DPYSL2: variants seen among roughly 807,000 people sequenced by gnomAD.
The protein encoded by DPYSL2 is dihydropyrimidinase-related protein 2.
Under a neutral mutation model 69.9 loss-of-function variants are expected in DPYSL2, and 13 were observed. That is an observed-to-expected ratio of 0.19 (90% CI 0.12 to 0.30). DPYSL2 has a LOEUF of 0.30. Ranked by LOEUF, DPYSL2 falls within the 10% of genes least tolerant of loss-of-function variation. DPYSL2 has a pLI of 1.00. For synonymous variants in DPYSL2, 326 were observed against 359.1 expected, an observed-to-expected ratio of 0.91 and a Z score of 1.04; for missense variants, 587 against 918.9, an observed-to-expected ratio of 0.64 and a Z score of 4.67.
At chr8:26,584,509 C>T (rs1585525032) in intron 3 of DPYSL2, among the ~76,000 whole-genome samples, 1 of 152,052 alleles carries the variant, frequency 6.6e-6, no homozygotes, top group East Asian at 1.9e-4. Flanking sequence ...AGGAATTGGG[C>T]AGCCCTGTCT....
At chr8:26,623,946 T>C in intron 3 of DPYSL2, 197 bp from the exon 4 acceptor site, 1 of 595,660 alleles carries the variant, frequency 1.7e-6, no homozygotes, top group Non-Finnish European at 2.9e-6. Context: ...CATCATCCAA[T>C]GCCAAGTTTC....
At chr8:26,638,639 A>T (rs752735511) in intron 8 of DPYSL2, among the ~76,000 whole-genome samples, 10 of 152,134 alleles carry the variant, frequency 6.6e-5, no homozygotes, top group Admixed American at 2.0e-4. Flanking sequence ...TCATCAACCC[A>T]ATTTGGCAGC....
chr8:26,555,093 G>A (rs1238294184), intron 1 of DPYSL2, among the ~76,000 whole-genome samples: 3 of 139,350 alleles, frequency 2.2e-5, no homozygotes, highest in African/African-American at 7.9e-5. Context: ...AGAAAGCTAA[G>A]TATATAGGGA....
At chr8:26,557,344 C>G (rs919921196) in intron 1 of DPYSL2, among the ~76,000 whole-genome samples, 1 of 151,932 alleles carries the variant, frequency 6.6e-6, no homozygotes, top group African/African-American at 2.4e-5. Context: ...ACTCTTAAAA[C>G]CCAACAACAA....
chr8:26,535,385 G>A (rs2117616401), intron 1 of DPYSL2, among the ~76,000 whole-genome samples: 1 of 152,202 alleles, frequency 6.6e-6, no homozygotes, highest in African/African-American at 2.4e-5. Flanking sequence ...CATGAGGATT[G>A]TTTAGGGGAT....
At chr8:26,550,496 G>T (rs577435783) in intron 1 of DPYSL2, among the ~76,000 whole-genome samples, 104 of 152,320 alleles carry the variant, frequency 6.8e-4, no homozygotes, top group African/African-American at 2.4e-3. Context: ...GATAGAGATT[G>T]TCAGAGTGAA....
At chr8:26,622,158 CCTCT>C (rs1554544256) in intron 3 of DPYSL2, among the ~76,000 whole-genome samples, 1 of 36,400 alleles carries the variant, frequency 2.7e-5, no homozygotes, top group East Asian at 8.0e-4. Flanking sequence ...TCCTTCCTTC[CCTCT>C]CTCTCTCTTT....
rs1802632014 is a variant in DPYSL2 at position 26,626,918 on chromosome 8, G to A, written c.855+240G>A. Reference sequence around the variant, plus strand: ...TCTGCCCCGCACGGCGTGTGTGGGAGCGGCACTCAGAACCTCCTTAGCAAA... The same window carrying A: ...TCTGCCCCGCACGGCGTGTGTGGGAACGGCACTCAGAACCTCCTTAGCAAA... On this transcript the variant is annotated intron_variant, in intron 5 of 13. Coordinates refer to ENST00000521913, the MANE Select transcript of DPYSL2 (RefSeq NM_001197293.3). This position sits in a 1 kb window ranked among gnomAD's most constrained non-coding sequence, Gnocchi z 4.3. Among the ~76,000 whole-genome samples, 1 of 152,192 alleles carries A rather than the reference G, an allele frequency of 6.6e-6. No homozygotes were observed. The highest frequency in any genetic ancestry group is 6.5e-5 in the Admixed American group (1 of 15,268).
chr8:26,589,946 G>A (rs936567287), intron 3 of DPYSL2, among the ~76,000 whole-genome samples: 2 of 152,214 alleles, frequency 1.3e-5, no homozygotes, highest in African/African-American at 4.8e-5. Context: ...AGGAGGGCTG[G>A]GAGGAAGGTG....
intron 3 of DPYSL2, among the ~76,000 whole-genome samples, chr8:26,622,445 TGTATGTG>T (rs1309937134): frequency 7.0e-6 from 1 of 143,626 alleles, no homozygotes; most frequent in East Asian, 2.0e-4. Context: ...ATGGCCATAT[TGTATGTG>T]TGTGTGTGTG....
chr8:26,584,932 T>C (rs1459637682), intron 3 of DPYSL2, among the ~76,000 whole-genome samples: 1 of 152,190 alleles, frequency 6.6e-6, no homozygotes. Flanking sequence ...TTGTGCTTTT[T>C]GTTTAACTAA....
chr8:26,543,174 T>C (rs546632337), intron 1 of DPYSL2, among the ~76,000 whole-genome samples: 2 of 152,318 alleles, frequency 1.3e-5, no homozygotes, highest in African/African-American at 4.8e-5. Context: ...AAGTATAGTG[T>C]CTAAGATAAT....
At chr8:26,646,459 G>C (rs1212910706) in intron 10 of DPYSL2, among the ~76,000 whole-genome samples, 2 of 152,288 alleles carry the variant, frequency 1.3e-5, no homozygotes, top group East Asian at 3.9e-4. Flanking sequence ...TGATTTGATA[G>C]GTGAATTTTG....
At position 26,640,982 on chromosome 8, in the gene DPYSL2, G is replaced by A. The variant is rs189433293; in HGVS notation, c.1127-2457G>A. 6.6e-6 allele frequency among the ~76,000 whole-genome samples: 1 copy of A among 152,344 alleles called. No homozygotes were observed. The highest frequency in any genetic ancestry group is 1.9e-4 in the East Asian group (1 of 5,178). On this transcript the variant is annotated intron_variant, in intron 8 of 13. Transcript: ENST00000521913. The surrounding 1 kb of genome is among the most constrained non-coding windows in gnomAD (Gnocchi z 4.2). ...AGGTAGATATTCCTGTGCACAGAGA[G>A]AAGGGGAATCCAGCTCCTCATAGAG... is the stretch of plus-strand genomic sequence containing the variant.
chr8:26,653,209 G>A lies in DPYSL2; in HGVS notation c.1777-23G>A, dbSNP rs1803314936. ...ATCCTCTGTGGCTGTGGCCTGAGCT[G>A]GGGGGACTCTTGTGTTTTGCAGCTG... On this transcript the variant is annotated intron_variant, in intron 12 of 13. Transcript: ENST00000521913. The surrounding 1 kb of genome is among the most constrained non-coding windows in gnomAD (Gnocchi z 5.7). 6.2e-7 allele frequency: 1 copy of A among 1,610,364 alleles called. No individual in the cohort carries two copies. Among genetic ancestry groups the A allele is most frequent in the Non-Finnish European group, 8.5e-7 (1 of 1,177,854 alleles).
chr8:26,601,665 C>T (rs1297576212), intron 3 of DPYSL2, among the ~76,000 whole-genome samples: 4 of 151,238 alleles, frequency 2.6e-5, no homozygotes, highest in Non-Finnish European at 5.9e-5. Context: ...GCGTGAGCCA[C>T]AGCGCCTGGG....
At position 26,656,694 on chromosome 8, in the gene DPYSL2, A is replaced by G. The variant is rs963295903; in HGVS notation, c.*988A>G. ...GCATAGTGCTGTGTCATCCTGGTCC[A>G]TGTAGGACTGGTGCTAACCACCTGC... On this transcript the variant is annotated 3_prime_UTR_variant, in exon 14 of 14. Coordinates refer to ENST00000521913, the MANE Select transcript of DPYSL2 (RefSeq NM_001197293.3). 1.3e-5 allele frequency: 2 copies of G among 152,702 alleles called. No individual in the cohort carries two copies. The highest frequency in any genetic ancestry group is 1.3e-4 in the Admixed American group (2 of 15,286). The allele number at this position is 152,702 out of a possible 1,614,324, so 9.5% of individuals were successfully genotyped here.
rs1803412164 is a variant in DPYSL2 at position 26,657,183 on chromosome 8, A to G, written c.*1477A>G. Reference sequence around the variant, plus strand: ...CTTTGCAAGAGGAGAAATGTGTTTTATGAACGATAGATCACATCAGAACTC... The same window carrying G: ...CTTTGCAAGAGGAGAAATGTGTTTTGTGAACGATAGATCACATCAGAACTC... On this transcript the variant is annotated 3_prime_UTR_variant, in exon 14 of 14. Transcript: ENST00000521913. 6.6e-6 allele frequency: 1 copy of G among 152,540 alleles called. No homozygotes were observed. The highest frequency in any genetic ancestry group is 2.4e-5 in the African/African-American group (1 of 41,458). The allele number at this position is 152,540 out of a possible 1,614,324, so 9.4% of individuals were successfully genotyped here. A position where few individuals can be genotyped will look rare whatever the true frequency, so the allele number is the denominator to read the frequency against.
chr8:26,524,835 A>AAAAAAAAAAAAG lies in DPYSL2; in HGVS notation c.354+10157_354+10158insAAAAAAAAAAGA, dbSNP rs1563374151. On this transcript the variant is annotated intron_variant, in intron 1 of 13. Coordinates refer to ENST00000521913, the MANE Select transcript of DPYSL2 (RefSeq NM_001197293.3). ...AAAAAAAAAAAAAAAAAAAAAAAAA[A>AAAAAAAAAAAAG]AGAGAGAGAATTACTGTTTTTCAAT... is the stretch of plus-strand genomic sequence containing the variant. Among the ~76,000 whole-genome samples the AAAAAAAAAAAAG allele has an allele frequency of 2.6e-4, 19 of 74,222 alleles. 1 individual carries two copies. The highest frequency in any genetic ancestry group is 3.9e-4 in the African/African-American group (9 of 23,216). The allele number at this position is 74,222 out of a possible 152,430, so 48.7% of individuals were successfully genotyped here. A position where few individuals can be genotyped will look rare whatever the true frequency, so the allele number is the denominator to read the frequency against.
Sources: gnomAD v4.1 joint callset for allele counts (sites outside exome capture counted in the v4.1 genomes callset) on GRCh38, gnomAD v4.1.1 for gene constraint, Gnocchi (gnomAD v3.1) non-coding constraint, MANE v1.5 for transcripts, NCBI Gene and HGNC (gene_info 2026-07-23, HGNC 2026-07-21) for gene names.